The following LYSMD4 variants were observed in gnomAD, a reference collection of about 807,000 sequenced individuals.
The protein encoded by LYSMD4 is LysM domain containing 4.
In LYSMD4, 9 loss-of-function variants were observed where a neutral mutation model predicts 6.1. The observed-to-expected ratio is 1.47, with a 90% CI of 0.88 to 2.56. The LOEUF is 2.56. Ranked by LOEUF, LYSMD4 falls within the 30% of genes most tolerant of loss-of-function variation. LYSMD4 has a pLI of 0.00. For synonymous variants in LYSMD4, 143 were observed against 148.5 expected, an observed-to-expected ratio of 0.96 and a Z score of 0.27; for missense variants, 384 against 373.5, an observed-to-expected ratio of 1.03 and a Z score of -0.23.
chr15:99,719,165 T>C (rs893086888), upstream of LYSMD4, among the ~76,000 whole-genome samples: 2 of 152,204 alleles, frequency 1.3e-5, no homozygotes, highest in African/African-American at 4.8e-5. Flanking sequence ...TATGTGGTTT[T>C]GTGGTTTTTG....
At chr15:99,725,864 A>G (rs2059275275), downstream of LYSMD4, among the ~76,000 whole-genome samples, 1 of 152,198 alleles carries the variant, frequency 6.6e-6, no homozygotes, top group Non-Finnish European at 1.5e-5. Flanking sequence ...GATTAAGAGC[A>G]CAGGCTCCCA....
chr15:99,731,579 G>A lies in LYSMD4; in HGVS notation c.282+139C>T, dbSNP rs547666840. The stretch of plus-strand genomic sequence containing the variant: ...CCTGCATTCCAATTCTGGCTAAATA[G>A]GGGAGTCCTTGGCTGCTACAGCAGG... On this transcript the variant is annotated intron_variant, in intron 2 of 2. Transcript: ENST00000684762. The A allele has an allele frequency of 1.9e-5, 29 of 1,527,004 alleles. No homozygotes were observed. In the African/African-American group the frequency reaches 3.8e-4, roughly 20 times the overall value. The allele number at this position is 1,527,004 out of a possible 1,614,324, so 94.6% of individuals were successfully genotyped here.
At chr15:99,716,133 T>C (rs879773468) in exon 1 of LYSMD4, 3 of 158,148 alleles carry the variant, frequency 1.9e-5, no homozygotes, top group Non-Finnish European at 4.2e-5. Flanking sequence ...GTAGAAACTT[T>C]CTTCACTTTG....
chr15:99,725,775 T>C (rs1388203141), downstream of LYSMD4, among the ~76,000 whole-genome samples: 1 of 152,286 alleles, frequency 6.6e-6, no homozygotes, highest in East Asian at 1.9e-4. Flanking sequence ...TCCCCCATGT[T>C]CTGTGAGCCT....
At chr15:99,725,024 TC>T (rs1597380424), downstream of LYSMD4, among the ~76,000 whole-genome samples, 1 of 152,172 alleles carries the variant, frequency 6.6e-6, no homozygotes, top group African/African-American at 2.4e-5. Flanking sequence ...CGAGCCCTGT[TC>T]CCCCGCCTGG....
chr15:99,732,488 T>C (rs1033323033), intron 1 of LYSMD4, among the ~76,000 whole-genome samples: 4 of 152,230 alleles, frequency 2.6e-5, no homozygotes, highest in Non-Finnish European at 5.9e-5. Context: ...CTCAGAACTG[T>C]GGGGCTAAAC....
Position 99,732,003 on chromosome 15 carries a change from C to T in LYSMD4, c.-4G>A. On this transcript the variant is annotated 5_prime_UTR_variant, in exon 2 of 3. Coordinates refer to ENST00000684762, the MANE Select transcript of LYSMD4 (RefSeq NM_001284417.2). ...TTAACAATTCCTCGTGCCTCATTTT[C>T]TTCACTGAAAATCAAGCCGGAGGGT... 3.2e-6 allele frequency: 5 copies of T among 1,553,986 alleles called. No homozygotes were observed. The highest frequency in any genetic ancestry group is 4.4e-6 in the Non-Finnish European group (5 of 1,144,640).
chr15:99,716,357 GTTGT>G (rs1260523426), exon 1 of LYSMD4: 30 of 355,916 alleles, frequency 8.4e-5, no homozygotes, highest in African/African-American at 4.9e-4. Flanking sequence ...CCCTGAATGT[GTTGT>G]TTTTCTTCAT....
rs548295423 is a variant in LYSMD4, at chr15:99,730,189, C to T, written c.283-458G>A. 1.2e-4 allele frequency among the ~76,000 whole-genome samples: 18 copies of T among 152,366 alleles called. No homozygotes were observed. In the South Asian group the frequency reaches 3.7e-3, roughly 32 times the overall value. The stretch of plus-strand genomic sequence containing the variant: ...CAGATGTTAGCATTCACCAAACACA[C>T]AGCCTCAGCCAGCTCTGCAGACACA... On this transcript the variant is annotated intron_variant, in intron 2 of 2. Coordinates refer to ENST00000684762, the MANE Select transcript of LYSMD4 (RefSeq NM_001284417.2).
At position 99,733,389 on chromosome 15, in the gene LYSMD4, A is replaced by C. The variant is rs1347518414; in HGVS notation, c.-53T>G. On this transcript the variant is annotated 5_prime_UTR_variant, in exon 1 of 3. Transcript: ENST00000684762. ...CGCGACCGGCGACCGGCGACTCGCG[A>C]CCCGCGACCCGCGACCCGCAGCTGC... The C allele has an allele frequency of 5.1e-6, 2 of 393,484 alleles. No homozygotes were observed. The highest frequency in any genetic ancestry group is 2.1e-5 in the African/African-American group (1 of 47,612). The allele number at this position is 393,484 out of a possible 1,614,324, so 24.4% of individuals were successfully genotyped here. A position where few individuals can be genotyped will look rare whatever the true frequency, so the allele number is the denominator to read the frequency against.
downstream of LYSMD4, chr15:99,727,398 G>A (rs1310216573): frequency 1.3e-5 from 2 of 152,054 alleles, no homozygotes; most frequent in African/African-American, 2.4e-5. Context: ...TAAAAAGGGG[G>A]AATCAATTTT....
rs2059328976 is a variant in LYSMD4 at position 99,728,713 on chromosome 15, C to T, written c.*410G>A. The T allele has an allele frequency of 4.6e-6, 1 of 217,240 alleles. No individual in the cohort carries two copies. 13.5% of individuals were successfully genotyped at this position (217,240 alleles called of 1,614,324 possible). A position where few individuals can be genotyped will look rare whatever the true frequency, so the allele number is the denominator to read the frequency against. On this transcript the variant is annotated 3_prime_UTR_variant, in exon 3 of 3. Transcript: ENST00000684762. ...CTTCTCAGAGCCAATCCCCGCTCCA[C>T]AGGAAGTGAGGATACAGCAAGAGCC...
chr15:99,730,574 C>G (rs1009800535), intron 2 of LYSMD4, among the ~76,000 whole-genome samples: 1 of 152,234 alleles, frequency 6.6e-6, no homozygotes, highest in African/African-American at 2.4e-5. Flanking sequence ...TCAATCAAAT[C>G]AATCATTTCC....
At chr15:99,730,110 CAATAGTG>C (rs1386699685) in intron 2 of LYSMD4, among the ~76,000 whole-genome samples, 5 of 152,314 alleles carry the variant, frequency 3.3e-5, no homozygotes, top group Admixed American at 1.3e-4. Context: ...ACTTTTGAGG[CAATAGTG>C]CCCCCATCTG....
rs1315350746 is a variant in LYSMD4 at position 99,728,695 on chromosome 15, G to C, written c.*428C>G. 1 of 207,292 alleles carries C rather than the reference G, an allele frequency of 4.8e-6. No individual in the cohort carries two copies. Among genetic ancestry groups the C allele is most frequent in the Non-Finnish European group, 1.0e-5 (1 of 99,548 alleles). The allele number at this position is 207,292 out of a possible 1,614,324, so 12.8% of individuals were successfully genotyped here. On this transcript the variant is annotated 3_prime_UTR_variant, in exon 3 of 3. Transcript: ENST00000684762. ...GGCAGACAGAGAACACTCCTTCTCA[G>C]AGCCAATCCCCGCTCCACAGGAAGT...
chr15:99,716,402 T>G (rs1477197452), exon 1 of LYSMD4: 1 of 409,076 alleles, frequency 2.4e-6, no homozygotes, highest in East Asian at 7.4e-5. Flanking sequence ...GAACTTTTTA[T>G]CAAATGGTGA....
chr15:99,718,303 A>G (rs1432112238), upstream of LYSMD4, among the ~76,000 whole-genome samples: 1 of 152,214 alleles, frequency 6.6e-6, no homozygotes, highest in Non-Finnish European at 1.5e-5. Flanking sequence ...CATGGGGTCC[A>G]TGTTGGTGTC....
chr15:99,732,595 C>T (rs978023192), intron 1 of LYSMD4, among the ~76,000 whole-genome samples: 6 of 152,190 alleles, frequency 3.9e-5, no homozygotes, highest in Admixed American at 1.3e-4. Flanking sequence ...AGTTTGCTCA[C>T]GGGTCACTTT....
chr15:99,730,243 T>C (rs921449057), intron 2 of LYSMD4, among the ~76,000 whole-genome samples: 6 of 152,224 alleles, frequency 3.9e-5, no homozygotes, highest in African/African-American at 1.4e-4. Flanking sequence ...TGTAATAAAG[T>C]TGACAGATAT....
Sources: allele counts gnomAD v4.1 joint callset (sites outside exome capture counted in the v4.1 genomes callset), GRCh38; gene constraint gnomAD v4.1.1; transcripts MANE v1.5; gene names NCBI Gene and HGNC (gene_info 2026-07-23, HGNC 2026-07-21).